The following SYT9 variants were observed in gnomAD, a reference collection of about 807,000 sequenced individuals.
SYT9 encodes the protein synaptotagmin 9, also known as synaptotagmin-9.
A neutral mutation model predicts 48.4 loss-of-function variants in SYT9; 22 were observed. The observed-to-expected ratio is 0.45, with a 90% CI of 0.32 to 0.65. SYT9 has a LOEUF of 0.65. SYT9 is among the 30% of genes least tolerant of loss of function. The pLI is 0.03. For synonymous variants in SYT9, 265 were observed against 245.0 expected (o/e 1.08, Z -0.76); for missense variants, 577 against 622.0 (o/e 0.93, Z 0.77).
At chr11:7,267,847 T>C (rs7113137) in intron 1 of SYT9, among the ~76,000 whole-genome samples, 97,217 of 151,634 alleles carry the variant, frequency 0.64, 31,505 homozygotes, top group East Asian at 0.74. Flanking sequence ...TGTGCTATTC[T>C]GATCAAGGAA....
intron 6 of SYT9, chr11:7,457,172 C>T (rs534965982): frequency 6.6e-6 from 1 of 152,366 alleles, no homozygotes; most frequent in African/African-American, 2.4e-5. Context: ...CTTGCTTCTG[C>T]TTTAACTTTT....
chr11:7,433,130 C>A (rs1362518706), intron 6 of SYT9, among the ~76,000 whole-genome samples: 1 of 152,070 alleles, frequency 6.6e-6, no homozygotes, highest in Non-Finnish European at 1.5e-5. Context: ...ACCTCCACCC[C>A]CCTTGCTCCT....
intron 3 of SYT9, among the ~76,000 whole-genome samples, chr11:7,392,399 G>C (rs545378672): frequency 6.7e-4 from 102 of 152,136 alleles, no homozygotes; most frequent in African/African-American, 2.3e-3. Flanking sequence ...CAGTATTGTA[G>C]ATCAGTTGGT....
At chr11:7,413,842 C>T (rs1229478755) in intron 3 of SYT9, among the ~76,000 whole-genome samples, 1 of 151,766 alleles carries the variant, frequency 6.6e-6, no homozygotes, top group African/African-American at 2.4e-5. Flanking sequence ...AAGTGATCCT[C>T]CTGCCTTAGC....
At chr11:7,454,959 A>G (rs918009957) in intron 6 of SYT9, among the ~76,000 whole-genome samples, 2 of 152,242 alleles carry the variant, frequency 1.3e-5, no homozygotes, top group Non-Finnish European at 2.9e-5. Flanking sequence ...TATCAGCCAC[A>G]GTGTATAGAG....
At chr11:7,301,621 C>G (rs1422552849) in intron 1 of SYT9, among the ~76,000 whole-genome samples, 1 of 152,184 alleles carries the variant, frequency 6.6e-6, no homozygotes, top group Non-Finnish European at 1.5e-5. Context: ...GAAGACATGG[C>G]GTGCGCCTAT....
chr11:7,422,789 A>C (rs558179138), intron 6 of SYT9, among the ~76,000 whole-genome samples: 146 of 152,258 alleles, frequency 9.6e-4, no homozygotes, highest in African/African-American at 3.4e-3. Flanking sequence ...GGAGTGTTGC[A>C]CACGGGTCCC....
chr11:7,366,919 A>G (rs1452339433), intron 3 of SYT9, among the ~76,000 whole-genome samples: 3 of 151,886 alleles, frequency 2.0e-5, no homozygotes, highest in East Asian at 1.9e-4. Flanking sequence ...TTAATATATT[A>G]TAAATTTTTG....
intron 3 of SYT9, among the ~76,000 whole-genome samples, chr11:7,373,413 C>G (rs969372512): frequency 1.3e-5 from 2 of 152,106 alleles, no homozygotes; most frequent in African/African-American, 4.8e-5. Context: ...CTCACCTCTC[C>G]TCTTCCTATA....
At chr11:7,270,176 TTTATTC>T (rs1344340055) in intron 1 of SYT9, among the ~76,000 whole-genome samples, 1 of 152,188 alleles carries the variant, frequency 6.6e-6, no homozygotes, top group Non-Finnish European at 1.5e-5. Flanking sequence ...ATTGACAATG[TTTATTC>T]TTATTATATA....
intron 3 of SYT9, among the ~76,000 whole-genome samples, chr11:7,399,847 T>C (rs796333364): frequency 3.3e-5 from 5 of 152,360 alleles, no homozygotes; most frequent in African/African-American, 1.2e-4. Context: ...TCCATTATTA[T>C]GCTAACAAAA....
At chr11:7,456,217 A>G (rs774367388) in intron 6 of SYT9, among the ~76,000 whole-genome samples, 2 of 152,206 alleles carry the variant, frequency 1.3e-5, no homozygotes, top group Non-Finnish European at 2.9e-5. Context: ...TTTTTAGTTG[A>G]TTTGGACTTA....
chr11:7,406,129 G>A (rs1258349195), intron 3 of SYT9, among the ~76,000 whole-genome samples: 3 of 151,962 alleles, frequency 2.0e-5, no homozygotes, highest in Non-Finnish European at 2.9e-5. Flanking sequence ...AGTTTTTGGA[G>A]GATCCATTAT....
At chr11:7,381,143 C>G (rs1292090033) in intron 3 of SYT9, among the ~76,000 whole-genome samples, 2 of 152,170 alleles carry the variant, frequency 1.3e-5, no homozygotes, top group Non-Finnish European at 2.9e-5. Context: ...TGGTCTAAAT[C>G]TATCCAGATC....
Position 7,252,354 on chromosome 11 carries a change from G to T in SYT9, c.145+23G>T. ...CAGGTGAGTGCCGCCACCGCCGCCT[G>T]GAGGGACCTAAGGGCCCTGGGCTGG... On this transcript the variant is annotated intron_variant, in intron 1 of 6. Transcript: ENST00000318881. The surrounding 1 kb of genome is among the most constrained non-coding windows in gnomAD (Gnocchi z 6.3). 6.9e-7 allele frequency: 1 copy of T among 1,443,838 alleles called. No individual in the cohort carries two copies. Among genetic ancestry groups the T allele is most frequent in the Non-Finnish European group, 9.1e-7 (1 of 1,097,434 alleles). 89.4% of individuals were successfully genotyped at this position (1,443,838 alleles called of 1,614,324 possible).
chr11:7,438,695 G>A (rs1397789844), intron 6 of SYT9: 2 of 152,214 alleles, frequency 1.3e-5, no homozygotes, highest in African/African-American at 4.8e-5. Context: ...TCCAAGCCTT[G>A]TTCCTATTCT....
chr11:7,258,405 T>G (rs1455044393), intron 1 of SYT9, among the ~76,000 whole-genome samples: 1 of 152,212 alleles, frequency 6.6e-6, no homozygotes, highest in Non-Finnish European at 1.5e-5. Context: ...TTCCTTTTCT[T>G]TCAAATGTTT....
chr11:7,339,703 A>G (rs1357725784), intron 3 of SYT9, among the ~76,000 whole-genome samples: 2 of 152,074 alleles, frequency 1.3e-5, no homozygotes, highest in African/African-American at 4.8e-5. Context: ...TCTGGTTCGT[A>G]GAGTTTCTGC....
intron 1 of SYT9, among the ~76,000 whole-genome samples, chr11:7,242,606 G>A (rs966097088): frequency 4.6e-5 from 7 of 152,156 alleles, no homozygotes; most frequent in African/African-American, 1.4e-4. Flanking sequence ...CTTTGAAATA[G>A]ACCTCTAGGA....
Sources: allele counts gnomAD v4.1 joint callset (sites outside exome capture counted in the v4.1 genomes callset), GRCh38; gene constraint gnomAD v4.1.1; non-coding constraint Gnocchi (gnomAD v3.1); transcripts MANE v1.5; gene names NCBI Gene and HGNC (gene_info 2026-07-23, HGNC 2026-07-21).